PTPRG: variants seen among roughly 807,000 people sequenced by gnomAD.
The protein encoded by PTPRG is receptor-type tyrosine-protein phosphatase gamma.
In PTPRG, 102 loss-of-function variants were observed where a neutral mutation model predicts 165.3. The ratio of observed to expected loss-of-function variants is 0.62; its 90% CI spans 0.53 to 0.73. The LOEUF is 0.73. Among genes scored for constraint, PTPRG ranks in the 30% least tolerant of loss-of-function variants. The probability of loss-of-function intolerance (pLI) is 0.00; values close to 1 mark genes in which losing one functional copy is unlikely to be tolerated. For synonymous variants in PTPRG, 675 were observed against 669.5 expected, an observed-to-expected ratio of 1.01 and a Z score of -0.13; for missense variants, 1,866 against 1,861.4, an observed-to-expected ratio of 1.00 and a Z score of -0.05.
In PTPRG at chr3:61,562,104, A is replaced by G; in HGVS notation, c.-184A>G. On this transcript the variant is annotated 5_prime_UTR_variant, in exon 1 of 30. Coordinates refer to ENST00000474889, the MANE Select transcript of PTPRG (RefSeq NM_002841.4). ...TCTGCGTTCCCGGTCACTTTTTGAGATTTTCCGGGGGGCGCTCGGCGGCTT... is the reference window on the plus strand; with the variant it reads ...TCTGCGTTCCCGGTCACTTTTTGAGGTTTTCCGGGGGGCGCTCGGCGGCTT... 1.7e-6 allele frequency: 1 copy of G among 573,768 alleles called. No individual in the cohort carries two copies. Among genetic ancestry groups the G allele is most frequent in the South Asian group, 2.1e-5 (1 of 46,816 alleles). 35.5% of individuals were successfully genotyped at this position (573,768 alleles called of 1,614,324 possible). A position where few individuals can be genotyped will look rare whatever the true frequency, so the allele number is the denominator to read the frequency against.
chr3:62,092,523 A>C (rs1007390213), intron 5 of PTPRG, among the ~76,000 whole-genome samples: 13 of 152,088 alleles, frequency 8.5e-5, no homozygotes, highest in African/African-American at 3.1e-4. Context: ...CAGAGAGATA[A>C]TGAATGAAGA....
chr3:61,730,002 T>A (rs1228663967), intron 1 of PTPRG, among the ~76,000 whole-genome samples: 1 of 152,228 alleles, frequency 6.6e-6, no homozygotes, highest in Non-Finnish European at 1.5e-5. Flanking sequence ...GTGGTTCATT[T>A]CGTTTGCTCC....
chr3:61,595,116 A>G (rs1333191730), intron 1 of PTPRG, among the ~76,000 whole-genome samples: 4 of 151,918 alleles, frequency 2.6e-5, no homozygotes, highest in Non-Finnish European at 5.9e-5. Context: ...GACATGCTGC[A>G]TGTGTCTGTA....
In PTPRG at chr3:61,672,443, T is replaced by C. The variant is rs2107076986; in HGVS notation, c.86-76435T>C. ...AGCCTGGGCACCATTGAGCACTGAG[T>C]GAATGAGACTCCGTCTGCAATCCCG... On this transcript the variant is annotated intron_variant, in intron 1 of 29. Transcript: ENST00000474889. Among the ~76,000 whole-genome samples, 7 of 135,220 alleles carry C rather than the reference T, an allele frequency of 5.2e-5. 2 individuals are homozygous for C. 88.7% of individuals were successfully genotyped at this position (135,220 alleles called of 152,430 possible).
chr3:61,654,419 C>G lies in PTPRG; in HGVS notation c.85+92047C>G, dbSNP rs1160482492. Among the ~76,000 whole-genome samples the G allele has an allele frequency of 2.6e-5, 4 of 152,012 alleles. No homozygotes were observed. The East Asian group carries it at 5.8e-4, about 22-fold the overall frequency. On this transcript the variant is annotated intron_variant, in intron 1 of 29. Transcript: ENST00000474889. ...TCTTTTTTTGAGACAGGGTCTCACTCTGTCCCCCAGGCCAGAGTGCAGTGG... is the reference window on the plus strand; with the variant it reads ...TCTTTTTTTGAGACAGGGTCTCACTGTGTCCCCCAGGCCAGAGTGCAGTGG...
At chr3:61,661,523 T>A (rs187835829) in intron 1 of PTPRG, among the ~76,000 whole-genome samples, 1 of 152,310 alleles carries the variant, frequency 6.6e-6, no homozygotes, top group African/African-American at 2.4e-5. Flanking sequence ...TTATAGCATC[T>A]TTAGTGAATG....
At position 62,271,257 on chromosome 3, in the gene PTPRG, C is replaced by T; in HGVS notation, c.3010-126C>T. 1.3e-6 allele frequency: 1 copy of T among 783,036 alleles called. No individual in the cohort carries two copies. The highest frequency in any genetic ancestry group is 1.9e-6 in the Non-Finnish European group (1 of 514,244). The allele number at this position is 783,036 out of a possible 1,614,324, so 48.5% of individuals were successfully genotyped here. ...GAAAGTTGGCTACAAGGGGGAATAA[C>T]CTAGCCTGGGAACAGTGATTAGGGT... On this transcript the variant is annotated intron_variant, in intron 20 of 29. Coordinates refer to ENST00000474889, the MANE Select transcript of PTPRG (RefSeq NM_002841.4). The surrounding 1 kb of genome is among the most constrained non-coding windows in gnomAD (Gnocchi z 4.1).
chr3:61,834,968 C>A (rs186192842), intron 2 of PTPRG, among the ~76,000 whole-genome samples: 40 of 152,204 alleles, frequency 2.6e-4, no homozygotes, highest in African/African-American at 9.2e-4. Flanking sequence ...CTAGTGAAAG[C>A]TTGGGTTTTG....
intron 2 of PTPRG, among the ~76,000 whole-genome samples, chr3:61,886,534 T>A (rs750503542): frequency 1.4e-4 from 22 of 152,128 alleles, no homozygotes; most frequent in Non-Finnish European, 2.2e-4. Context: ...GGTCTACAAC[T>A]TGTCCTGTAT....
intron 6 of PTPRG, among the ~76,000 whole-genome samples, chr3:62,134,857 A>G (rs1703646538): frequency 6.6e-6 from 1 of 152,216 alleles, no homozygotes; most frequent in Admixed American, 6.5e-5. Context: ...ATGAAATGGG[A>G]TGAAGGGAAG....
rs189613435 is a variant in PTPRG at position 61,682,451 on chromosome 3, A to G, written c.86-66427A>G. On this transcript the variant is annotated intron_variant, in intron 1 of 29. Coordinates refer to ENST00000474889, the MANE Select transcript of PTPRG (RefSeq NM_002841.4). ...ACAGTAATGGGTATGGGTGATGGGG[A>G]CATAGGCATTTGTTGTAAAGTTAAA... 9.4e-4 allele frequency among the ~76,000 whole-genome samples: 143 copies of G among 152,310 alleles called. 1 individual carries two copies. The highest frequency in any genetic ancestry group is 3.3e-3 in the African/African-American group (137 of 41,566).
intron 8 of PTPRG, among the ~76,000 whole-genome samples, chr3:62,189,194 C>T (rs1699742626): frequency 6.6e-6 from 1 of 152,066 alleles, no homozygotes; most frequent in Admixed American, 6.6e-5. Context: ...TCCCTTCCTC[C>T]CTCCCTCCCT....
intron 2 of PTPRG, among the ~76,000 whole-genome samples, chr3:61,784,455 G>T (rs1458883836): frequency 6.6e-6 from 1 of 152,216 alleles, no homozygotes; most frequent in East Asian, 1.9e-4. Flanking sequence ...GAGAGTTTGT[G>T]TGAGTGAGTC....
intron 1 of PTPRG, among the ~76,000 whole-genome samples, chr3:61,746,208 A>ATTTTTTTTTTTTTTTTT (rs750697053): frequency 3.7e-5 from 3 of 81,326 alleles, no homozygotes; most frequent in Non-Finnish European, 6.7e-5. Flanking sequence ...ACACACTCTA[A>ATTTTTTTTTTTTTTTTT]TTTTTTTTTT....
At chr3:61,693,298 A>T (rs1212014641) in intron 1 of PTPRG, among the ~76,000 whole-genome samples, 1 of 152,186 alleles carries the variant, frequency 6.6e-6, no homozygotes, top group East Asian at 1.9e-4. Flanking sequence ...ATGGGAAATA[A>T]TATATTTTAT....
intron 10 of PTPRG, among the ~76,000 whole-genome samples, chr3:62,198,505 T>G (rs1700022020): frequency 6.6e-6 from 1 of 152,016 alleles, no homozygotes. Flanking sequence ...AAAATGGGGG[T>G]TTATATGCTT....
chr3:61,860,559 G>T (rs1195802623), intron 2 of PTPRG, among the ~76,000 whole-genome samples: 1 of 147,656 alleles, frequency 6.8e-6, no homozygotes, highest in Non-Finnish European at 1.5e-5. Context: ...TACTGCCTCA[G>T]CCTCTGGAGT....
At chr3:61,624,554 T>C (rs990257218) in intron 1 of PTPRG, among the ~76,000 whole-genome samples, 16 of 152,218 alleles carry the variant, frequency 1.1e-4, no homozygotes, top group African/African-American at 3.6e-4. Flanking sequence ...AAGACATGGC[T>C]ATCTTTGGGG....
At chr3:61,797,581 A>ACCCCCCCC (rs10541580) in intron 2 of PTPRG, among the ~76,000 whole-genome samples, 105 of 127,354 alleles carry the variant, frequency 8.2e-4, no homozygotes, top group Middle Eastern at 4.2e-3. Context: ...TTATCTCCAC[A>ACCCCCCCC]CCCCCCCCCA....
Sources: gnomAD v4.1 joint callset for allele counts (sites outside exome capture counted in the v4.1 genomes callset) on GRCh38, gnomAD v4.1.1 for gene constraint, Gnocchi (gnomAD v3.1) non-coding constraint, MANE v1.5 for transcripts, NCBI Gene and HGNC (gene_info 2026-07-23, HGNC 2026-07-21) for gene names.